CDH2: variants seen among roughly 807,000 people sequenced by gnomAD.
CDH2 encodes the protein cadherin 2.
Under a neutral mutation model 92.0 loss-of-function variants are expected in CDH2, and 17 were observed. The observed-to-expected ratio is 0.18, with a 90% CI of 0.13 to 0.28. CDH2 has a LOEUF of 0.28. Among genes scored for constraint, CDH2 ranks in the 10% least tolerant of loss-of-function variants. CDH2 has a pLI of 1.00. For missense variants in CDH2, 862 were observed against 1,133.1 expected (o/e 0.76, Z 3.44); for synonymous variants, 419 against 415.9 (o/e 1.01, Z -0.09).
intron 2 of CDH2, among the ~76,000 whole-genome samples, chr18:28,080,405 G>T (rs139907768): frequency 1.8e-3 from 277 of 152,248 alleles, no homozygotes; most frequent in African/African-American, 5.2e-3. Flanking sequence ...CAAGTTTACA[G>T]TTCCAATGGG....
intron 3 of CDH2, 89 bp from the exon 4 acceptor site, chr18:28,012,081 G>A: frequency 9.1e-7 from 1 of 1,096,316 alleles, no homozygotes; most frequent in South Asian, 1.7e-5. Flanking sequence ...GAAAGCATAG[G>A]AATCACAGTT....
intron 1 of CDH2, among the ~76,000 whole-genome samples, chr18:28,173,747 G>A (rs1034806880): frequency 1.3e-5 from 2 of 152,076 alleles, no homozygotes; most frequent in African/African-American, 4.8e-5. Flanking sequence ...CAATTAAGAT[G>A]TGAACTAGAA....
intron 2 of CDH2, chr18:28,097,209 C>G (rs1235822245): frequency 6.6e-6 from 1 of 152,048 alleles, no homozygotes; most frequent in Non-Finnish European, 1.5e-5. Flanking sequence ...TACAAGGAAT[C>G]AATGTGTATT....
chr18:27,958,876 TC>T (rs2011324611), intron 15 of CDH2, among the ~76,000 whole-genome samples: 1 of 152,130 alleles, frequency 6.6e-6, no homozygotes, highest in Non-Finnish European at 1.5e-5. Context: ...AGTACTTCTC[TC>T]TCCTGCTGCC....
chr18:28,163,041 C>T lies in CDH2; in HGVS notation c.60+13922G>A, dbSNP rs1025313289. Among the ~76,000 whole-genome samples, 12 of 152,138 alleles carry T rather than the reference C, an allele frequency of 7.9e-5. 1 individual carries two copies. The highest frequency in any genetic ancestry group is 2.9e-5 in the Non-Finnish European group (2 of 68,024). ...GGTGAAGAGAATGAGAAACACACAG[C>T]AAGGCCAAGCTACAGACAAGTTACA... On this transcript the variant is annotated intron_variant, in intron 1 of 15. Transcript: ENST00000269141.
In CDH2 at chr18:28,013,967, A is replaced by AC. The variant is rs143315909; in HGVS notation, c.173-59dup. 26 of 1,167,160 alleles carry AC rather than the reference A, an allele frequency of 2.2e-5. No individual in the cohort carries two copies. The East Asian group carries it at 2.5e-4, about 11-fold the overall frequency. The allele number at this position is 1,167,160 out of a possible 1,614,324, so 72.3% of individuals were successfully genotyped here. A position where few individuals can be genotyped will look rare whatever the true frequency, so the allele number is the denominator to read the frequency against. On this transcript the variant is annotated intron_variant, in intron 2 of 15. Coordinates refer to ENST00000269141, the MANE Select transcript of CDH2 (RefSeq NM_001792.5). ...AATTATACCAAAAAGGCAAAAAAAAACCCCTAATACTTAAACCTATATCCT... is the reference window on the plus strand; with the variant it reads ...AATTATACCAAAAAGGCAAAAAAAAACCCCCTAATACTTAAACCTATATCCT...
intron 11 of CDH2, among the ~76,000 whole-genome samples, chr18:27,986,833 G>C (rs1393803398): frequency 6.6e-6 from 1 of 152,166 alleles, no homozygotes; most frequent in African/African-American, 2.4e-5. Flanking sequence ...TCAACAGTTT[G>C]AGGGACTTCG....
intron 14 of CDH2, among the ~76,000 whole-genome samples, chr18:27,982,712 T>G (rs1379712355): frequency 6.6e-6 from 1 of 151,798 alleles, no homozygotes; most frequent in Non-Finnish European, 1.5e-5. Context: ...GAATTGGGTT[T>G]AAAGCCTTTG....
intron 4 of CDH2, among the ~76,000 whole-genome samples, chr18:28,010,306 T>C (rs1168395237): frequency 6.6e-6 from 1 of 152,234 alleles, no homozygotes; most frequent in Non-Finnish European, 1.5e-5. Context: ...TATACTCAAA[T>C]GGAACTCTAA....
At chr18:27,945,194 G>A (rs1218489061) in intron 6 of CDH2, among the ~76,000 whole-genome samples, 1 of 151,264 alleles carries the variant, frequency 6.6e-6, no homozygotes, top group Non-Finnish European at 1.5e-5. Context: ...AAGTACTGAC[G>A]ATCAATGAAA....
intron 2 of CDH2, chr18:28,036,463 T>C (rs2013830765): frequency 7.0e-7 from 1 of 1,436,132 alleles, no homozygotes; most frequent in African/African-American, 1.4e-5. Context: ...AAGGCAATTT[T>C]TGTTACCTGA....
rs1183389590 is a variant in CDH2 at position 28,144,882 on chromosome 18, T to C, written c.172+2791A>G. 2.0e-5 allele frequency among the ~76,000 whole-genome samples: 3 copies of C among 152,016 alleles called. No homozygotes were observed. The South Asian group carries it at 6.2e-4, about 32-fold the overall frequency. On this transcript the variant is annotated intron_variant, in intron 2 of 15. Coordinates refer to ENST00000269141, the MANE Select transcript of CDH2 (RefSeq NM_001792.5). The stretch of plus-strand genomic sequence containing the variant: ...GAAGCTGTACAGTTAGTTCTTTGAG[T>C]TTGTTATTTTGATAAAATTCATTAC...
intron 2 of CDH2, among the ~76,000 whole-genome samples, chr18:28,140,289 C>A (rs1568014111): frequency 6.6e-6 from 1 of 151,674 alleles, no homozygotes; most frequent in South Asian, 2.1e-4. Flanking sequence ...CAAGAGTAAC[C>A]AGACAAAAAA....
At chr18:28,084,588 G>GAT (rs984479057) in intron 2 of CDH2, among the ~76,000 whole-genome samples, 1 of 151,136 alleles carries the variant, frequency 6.6e-6, no homozygotes, top group Non-Finnish European at 1.5e-5. Flanking sequence ...AAAAAAAAAG[G>GAT]ATACACACAC....
rs925199171 is a variant in CDH2 at position 27,939,983 on chromosome 18, CT to C, written c.1152-6860del. On this transcript the variant is annotated intron_variant, in intron 6 of 6. Coordinates refer to the CDH2 transcript ENST00000675173. ...GCGTGTCTGCAACCCCACCCTTGGGCTTCAATTTGGGACCACCCTGAAGGAC... is the reference window on the plus strand; with the variant it reads ...GCGTGTCTGCAACCCCACCCTTGGGCTCAATTTGGGACCACCCTGAAGGAC... 2.0e-4 allele frequency among the ~76,000 whole-genome samples: 30 copies of C among 152,294 alleles called. 1 individual carries two copies. Among genetic ancestry groups the C allele is most frequent in the African/African-American group, 7.0e-4 (29 of 41,566 alleles).
intron 2 of CDH2, among the ~76,000 whole-genome samples, chr18:28,102,202 A>T (rs1268538365): frequency 6.6e-6 from 1 of 152,184 alleles, no homozygotes; most frequent in Non-Finnish European, 1.5e-5. Context: ...CATTCTCCGT[A>T]AACCCAAAAA....
At chr18:27,969,348 C>T (rs1051236286) in intron 14 of CDH2, among the ~76,000 whole-genome samples, 1 of 152,190 alleles carries the variant, frequency 6.6e-6, no homozygotes, top group Non-Finnish European at 1.5e-5. Context: ...TGAGTCCCCA[C>T]TAAAAGGGAA....
intron 2 of CDH2, among the ~76,000 whole-genome samples, chr18:28,139,294 T>C (rs1236040649): frequency 6.6e-6 from 1 of 151,994 alleles, no homozygotes; most frequent in Non-Finnish European, 1.5e-5. Flanking sequence ...ACCATCACTT[T>C]TTCCCTCCCC....
chr18:28,020,283 T>C (rs1425698566), intron 2 of CDH2, among the ~76,000 whole-genome samples: 1 of 152,056 alleles, frequency 6.6e-6, no homozygotes, highest in Non-Finnish European at 1.5e-5. Context: ...GAATCTTAGG[T>C]ATACCAGTAA....
Sources: gnomAD v4.1 joint callset for allele counts (sites outside exome capture counted in the v4.1 genomes callset) on GRCh38, gnomAD v4.1.1 for gene constraint, MANE v1.5 for transcripts, NCBI Gene and HGNC (gene_info 2026-07-23, HGNC 2026-07-21) for gene names.